Variants in TMC1 observed in about 807,000 individuals in gnomAD.
TMC1 encodes transmembrane channel-like protein 1.
A neutral mutation model predicts 105.8 loss-of-function variants in TMC1; 84 were observed. The ratio of observed to expected loss-of-function variants is 0.79; its 90% CI spans 0.67 to 0.95. The LOEUF (loss-of-function observed/expected upper bound fraction) is 0.95, where lower values mean the gene tolerates loss of function less well. Among genes scored for constraint, TMC1 ranks in the 40% least tolerant of loss-of-function variants. The pLI is 0.00. For synonymous variants in TMC1, 315 were observed against 311.5 expected (o/e 1.01, Z -0.12); for missense variants, 817 against 914.1 (o/e 0.89, Z 1.37).
At chr9:72,675,523 C>T (rs878947075) in intron 5 of TMC1, among the ~76,000 whole-genome samples, 4 of 152,110 alleles carry the variant, frequency 2.6e-5, no homozygotes, top group South Asian at 4.1e-4. Context: ...TCTTCATCAA[C>T]GTTAACTTTC....
At chr9:72,745,021 AAATGTAGATTATTTTTCTTTCCAT>A (rs1206665990) in intron 10 of TMC1, among the ~76,000 whole-genome samples, 1 of 152,202 alleles carries the variant, frequency 6.6e-6, no homozygotes, top group Non-Finnish European at 1.5e-5. Context: ...AAATTGAGGC[AAATGTAGATTATTTTTCTTTCCAT>A]ATATAATTTA....
intron 4 of TMC1, among the ~76,000 whole-genome samples, chr9:72,648,324 C>G (rs567262968): frequency 2.6e-5 from 4 of 152,278 alleles, no homozygotes; most frequent in Middle Eastern, 3.4e-3. Flanking sequence ...AAAGCACAGG[C>G]AGAGTGGGAT....
chr9:72,778,922 C>T (rs1319800272), intron 13 of TMC1, among the ~76,000 whole-genome samples: 3 of 152,214 alleles, frequency 2.0e-5, no homozygotes, highest in Non-Finnish European at 4.4e-5. Flanking sequence ...TGCAGCCTCC[C>T]CCCTCTGCTT....
At chr9:72,670,898 A>G (rs1826117971) in intron 5 of TMC1, among the ~76,000 whole-genome samples, 1 of 152,226 alleles carries the variant, frequency 6.6e-6, no homozygotes, top group Non-Finnish European at 1.5e-5. Context: ...CTATGTATGA[A>G]ATGGTGTAGT....
chr9:72,816,031 A>G (rs1828781878), intron 18 of TMC1, 112 bp from the exon 19 acceptor site: 1 of 877,428 alleles, frequency 1.1e-6, no homozygotes, highest in Non-Finnish European at 1.9e-6. Context: ...TTATTCTGCT[A>G]TTGTTGCTGA....
At chr9:72,638,816 C>G (rs969655066) in intron 4 of TMC1, among the ~76,000 whole-genome samples, 2 of 152,142 alleles carry the variant, frequency 1.3e-5, no homozygotes, top group South Asian at 4.1e-4. Context: ...TGAGAACGGT[C>G]AAGAGTTTAT....
At chr9:72,751,608 C>T (rs1460739049) in intron 10 of TMC1, among the ~76,000 whole-genome samples, 1 of 152,262 alleles carries the variant, frequency 6.6e-6, no homozygotes, top group African/African-American at 2.4e-5. Context: ...GGGTAGGTCA[C>T]ATGCAGTCTG....
chr9:72,714,291 A>G (rs1240515984), intron 8 of TMC1, among the ~76,000 whole-genome samples: 6 of 152,184 alleles, frequency 3.9e-5, no homozygotes, highest in Admixed American at 3.9e-4. Context: ...TGCTTGGCCC[A>G]GAGCTAAGTT....
chr9:72,598,576 G>C (rs1279245125), intron 2 of TMC1, among the ~76,000 whole-genome samples: 1 of 152,074 alleles, frequency 6.6e-6, no homozygotes, highest in Non-Finnish European at 1.5e-5. Context: ...AGTGGACACA[G>C]AGCCCTGATA....
intron 3 of TMC1, among the ~76,000 whole-genome samples, chr9:72,618,107 C>T (rs914354110): frequency 2.8e-5 from 4 of 141,968 alleles, no homozygotes; most frequent in Non-Finnish European, 6.0e-5. Flanking sequence ...CAGCTTACTG[C>T]AACCTCTGCC....
chr9:72,807,191 G>A (rs960307332), intron 18 of TMC1, among the ~76,000 whole-genome samples: 1 of 152,208 alleles, frequency 6.6e-6, no homozygotes, highest in Non-Finnish European at 1.5e-5. Flanking sequence ...GCAGTGAGCC[G>A]AGATGGCAGC....
At chr9:72,671,148 T>C (rs888668052) in intron 5 of TMC1, among the ~76,000 whole-genome samples, 4 of 152,204 alleles carry the variant, frequency 2.6e-5, no homozygotes, top group African/African-American at 9.7e-5. Flanking sequence ...GAAGAATGGA[T>C]AGTCATGGAG....
At chr9:72,570,960 A>G (rs1367280951) in intron 1 of TMC1, among the ~76,000 whole-genome samples, 1 of 146,810 alleles carries the variant, frequency 6.8e-6, no homozygotes, top group Non-Finnish European at 1.5e-5. Flanking sequence ...AAGTGCTGGG[A>G]TTACAGGCAT....
intron 3 of TMC1, among the ~76,000 whole-genome samples, chr9:72,626,092 G>A (rs1031987008): frequency 6.6e-6 from 1 of 152,150 alleles, no homozygotes; most frequent in Non-Finnish European, 1.5e-5. Flanking sequence ...CCCCCAGCTA[G>A]TCAAGTCTTC....
At chr9:72,522,348 G>T (rs1823328038) in intron 1 of TMC1, among the ~76,000 whole-genome samples, 1 of 152,058 alleles carries the variant, frequency 6.6e-6, no homozygotes, top group Non-Finnish European at 1.5e-5. Flanking sequence ...TGATCCGCCC[G>T]CCTCAGCCTC....
intron 1 of TMC1, among the ~76,000 whole-genome samples, chr9:72,544,941 C>A (rs4493970): frequency 0.52 from 79,394 of 151,516 alleles, 21,741 homozygotes; most frequent in African/African-American, 0.69. Context: ...TTCACCCCCC[C>A]AAGTCTTTCC....
intron 12 of TMC1, among the ~76,000 whole-genome samples, chr9:72,755,675 G>A (rs1252626439): frequency 3.3e-5 from 5 of 152,108 alleles, no homozygotes; most frequent in African/African-American, 9.7e-5. Flanking sequence ...AAGCATATGC[G>A]TGGGAAAGTA....
intron 1 of TMC1, among the ~76,000 whole-genome samples, chr9:72,564,261 C>A (rs1194290389): frequency 6.6e-6 from 1 of 152,228 alleles, no homozygotes; most frequent in African/African-American, 2.4e-5. Flanking sequence ...TGGCTACAAT[C>A]TGGCTCTAAT....
Position 72,625,075 on chromosome 9 carries a change from T to C in TMC1, c.-195-2846T>C, listed in dbSNP as rs1681327257. On this transcript the variant is annotated intron_variant, in intron 3 of 23. Coordinates refer to ENST00000297784, the MANE Select transcript of TMC1 (RefSeq NM_138691.3). Reference sequence around the variant, plus strand: ...TGACACTGTTTCCATCAAGAGGTGATGTCTTTGTCTCCTCCCCTTGAATCT... The same window carrying C: ...TGACACTGTTTCCATCAAGAGGTGACGTCTTTGTCTCCTCCCCTTGAATCT... 2.6e-5 allele frequency among the ~76,000 whole-genome samples: 4 copies of C among 152,334 alleles called. 1 individual carries two copies. In the South Asian group the frequency reaches 8.3e-4, roughly 32 times the overall value.
Sources: allele counts gnomAD v4.1 joint callset (sites outside exome capture counted in the v4.1 genomes callset), GRCh38; gene constraint gnomAD v4.1.1; transcripts MANE v1.5; gene names NCBI Gene and HGNC (gene_info 2026-07-23, HGNC 2026-07-21).